MRTFB: variants seen among roughly 807,000 people sequenced by gnomAD.
MRTFB encodes myocardin related transcription factor B, also known as myocardin-related transcription factor B.
In MRTFB, 29 loss-of-function variants were observed where a neutral mutation model predicts 104.2. The ratio of observed to expected loss-of-function variants is 0.28; its 90% CI spans 0.21 to 0.38. The LOEUF is 0.38. Among genes scored for constraint, MRTFB ranks in the 10% least tolerant of loss-of-function variants. The pLI is 1.00. For synonymous variants in MRTFB, 535 were observed against 519.5 expected, an observed-to-expected ratio of 1.03 and a Z score of -0.41; for missense variants, 1,270 against 1,341.6, an observed-to-expected ratio of 0.95 and a Z score of 0.83.
chr16:14,128,906 G>C (rs2037298058), intron 2 of MRTFB, among the ~76,000 whole-genome samples: 1 of 152,186 alleles, frequency 6.6e-6, no homozygotes, highest in Non-Finnish European at 1.5e-5. Context: ...CCAAGATACA[G>C]AACAGTTCCA....
intron 2 of MRTFB, among the ~76,000 whole-genome samples, chr16:14,130,699 A>C (rs75112844): frequency 0.01 from 1,585 of 152,294 alleles, 32 homozygotes; most frequent in African/African-American, 0.036. Flanking sequence ...GTACTGTATT[A>C]GTTCATTCTC....
chr16:14,127,053 A>G (rs535334613), intron 2 of MRTFB, among the ~76,000 whole-genome samples: 4 of 152,316 alleles, frequency 2.6e-5, no homozygotes, highest in Middle Eastern at 3.4e-3. Context: ...TCATTTTTCA[A>G]AGAGGCTTAG....
intron 2 of MRTFB, among the ~76,000 whole-genome samples, chr16:14,107,337 C>T (rs949829940): frequency 6.6e-6 from 1 of 152,130 alleles, no homozygotes; most frequent in Non-Finnish European, 1.5e-5. Context: ...CTGGGGCTCA[C>T]GCCTAGAATC....
At chr16:14,186,183 C>G (rs973372716) in intron 3 of MRTFB, among the ~76,000 whole-genome samples, 6 of 152,248 alleles carry the variant, frequency 3.9e-5, no homozygotes, top group South Asian at 2.1e-4. Context: ...TTCCCTATTA[C>G]AAAGAGCATC....
intron 2 of MRTFB, among the ~76,000 whole-genome samples, chr16:14,102,989 A>T (rs905547415): frequency 1.3e-5 from 2 of 152,190 alleles, no homozygotes; most frequent in Admixed American, 1.3e-4. Flanking sequence ...TCCCTTTGCC[A>T]GGAGTGCCCT....
chr16:14,260,357 A>T (rs906485295), intron 16 of MRTFB, among the ~76,000 whole-genome samples: 6 of 149,482 alleles, frequency 4.0e-5, no homozygotes, highest in African/African-American at 1.2e-4. Flanking sequence ...GTAATGATAA[A>T]AAAAAAAAAA....
At chr16:14,107,918 T>C (rs570668572) in intron 2 of MRTFB, among the ~76,000 whole-genome samples, 254 of 152,302 alleles carry the variant, frequency 1.7e-3, no homozygotes, top group African/African-American at 5.8e-3. Flanking sequence ...CTTCTCCAAG[T>C]GTCTAGTCCC....
the MRTFB span, among the ~76,000 whole-genome samples, chr16:14,042,160 T>C: frequency 6.6e-6 from 1 of 152,080 alleles, no homozygotes; most frequent in Non-Finnish European, 1.5e-5. Context: ...AGTTGTGCTC[T>C]TGTTGCCCAG....
At chr16:14,207,030 A>G (rs1356916675) in intron 3 of MRTFB, among the ~76,000 whole-genome samples, 1 of 152,068 alleles carries the variant, frequency 6.6e-6, no homozygotes, top group African/African-American at 2.4e-5. Context: ...CGTCGCTTAA[A>G]AAAGATCTTC....
At chr16:14,048,205 C>T in the MRTFB span, among the ~76,000 whole-genome samples, 1 of 152,208 alleles carries the variant, frequency 6.6e-6, no homozygotes, top group South Asian at 2.1e-4. Flanking sequence ...CCAGGTCTCA[C>T]TGATGCAAGA....
chr16:14,242,846 G>A (rs2042833973), intron 10 of MRTFB, among the ~76,000 whole-genome samples: 1 of 151,972 alleles, frequency 6.6e-6, no homozygotes, highest in Non-Finnish European at 1.5e-5. Flanking sequence ...AATAGGTAGA[G>A]TATTATAGAA....
chr16:14,200,703 A>G, intron 3 of MRTFB: 2 of 1,533,086 alleles, frequency 1.3e-6, no homozygotes, highest in Non-Finnish European at 1.8e-6. Context: ...CAAGAGAATG[A>G]AACTGTGTCA....
upstream of MRTFB, among the ~76,000 whole-genome samples, chr16:14,071,151 G>T (rs4781566): frequency 0.12 from 18,208 of 152,146 alleles, 2,435 homozygotes; most frequent in African/African-American, 0.33. Context: ...TCACGGGAGT[G>T]GGCGGAGTGC....
At chr16:14,055,043 C>A in the MRTFB span, among the ~76,000 whole-genome samples, 1 of 152,144 alleles carries the variant, frequency 6.6e-6, no homozygotes, top group Non-Finnish European at 1.5e-5. Flanking sequence ...TAGAACAATG[C>A]AAAATGAACT....
At chr16:14,128,318 A>C (rs1417058261) in intron 2 of MRTFB, among the ~76,000 whole-genome samples, 3 of 152,154 alleles carry the variant, frequency 2.0e-5, no homozygotes, top group African/African-American at 7.2e-5. Context: ...GTCACCTCTT[A>C]GGTTCTTAAC....
At chr16:14,234,048 G>T in intron 8 of MRTFB, 98 bp from the exon 9 acceptor site, 1 of 1,453,252 alleles carries the variant, frequency 6.9e-7, no homozygotes. Flanking sequence ...TTCTTTTCTA[G>T]TGGGCTTAAA....
intron 3 of MRTFB, among the ~76,000 whole-genome samples, chr16:14,159,459 A>G (rs1185894344): frequency 1.3e-5 from 2 of 152,220 alleles, no homozygotes; most frequent in East Asian, 1.9e-4. Flanking sequence ...ATAGATTATT[A>G]TGGGAATTTA....
chr16:14,016,229 G>A, the MRTFB span, among the ~76,000 whole-genome samples: 6 of 152,028 alleles, frequency 3.9e-5, no homozygotes, highest in African/African-American at 1.4e-4. Context: ...GAGTCATCTC[G>A]GATGTGAAAG....
chr16:14,023,780 G>T, the MRTFB span, among the ~76,000 whole-genome samples: 2 of 152,050 alleles, frequency 1.3e-5, no homozygotes, highest in East Asian at 1.9e-4. Flanking sequence ...GCTGGGCGTG[G>T]TTGCTCACGC....
Sources: gnomAD v4.1 joint callset for allele counts (sites outside exome capture counted in the v4.1 genomes callset) on GRCh38, gnomAD v4.1.1 for gene constraint, MANE v1.5 for transcripts, NCBI Gene and HGNC (gene_info 2026-07-23, HGNC 2026-07-21) for gene names.